The following AASDHPPT variants were observed in gnomAD, a reference collection of about 807,000 sequenced individuals.
The protein encoded by AASDHPPT is aminoadipate-semialdehyde dehydrogenase-phosphopantetheinyl transferase.
Under a neutral mutation model 36.4 loss-of-function variants are expected in AASDHPPT, and 23 were observed. That is an observed-to-expected ratio of 0.63 (90% CI 0.45 to 0.89). The LOEUF is 0.89. Ranked by LOEUF, AASDHPPT falls within the 40% of genes least tolerant of loss-of-function variation. AASDHPPT has a pLI of 0.00. For synonymous variants in AASDHPPT, 115 were observed against 128.0 expected (o/e 0.90, Z 0.68); for missense variants, 377 against 378.2 (o/e 1.00, Z 0.03).
At chr11:106,078,991 A>G (rs1206308261) in intron 1 of AASDHPPT, among the ~76,000 whole-genome samples, 1 of 152,222 alleles carries the variant, frequency 6.6e-6, no homozygotes, top group Non-Finnish European at 1.5e-5. Flanking sequence ...TTTGACAGCA[A>G]GTCTAGAGCC....
intron 5 of AASDHPPT, among the ~76,000 whole-genome samples, chr11:106,094,915 C>T (rs1861297809): frequency 6.6e-6 from 1 of 152,098 alleles, no homozygotes; most frequent in Non-Finnish European, 1.5e-5. Context: ...CACCTGAGGT[C>T]AGGAGTTCCA....
chr11:106,089,623 G>A (rs1488389179), intron 2 of AASDHPPT: 1 of 151,936 alleles, frequency 6.6e-6, no homozygotes, highest in East Asian at 1.9e-4. Flanking sequence ...ATGTATTTGT[G>A]TAAATATTTA....
intron 4 of AASDHPPT, chr11:106,091,762 A>T (rs1461952525): frequency 4.2e-6 from 1 of 239,436 alleles, no homozygotes; most frequent in Non-Finnish European, 7.9e-6. Flanking sequence ...TGGCTGGGCC[A>T]TAATGAGGGT....
rs1203458518 is a variant in AASDHPPT at position 106,096,905 on chromosome 11, T to C, written c.928T>C (p.Ter310ArgextTer1). 3.8e-6 allele frequency: 6 copies of C among 1,597,758 alleles called. No individual in the cohort carries two copies. Among genetic ancestry groups the C allele is most frequent in the Non-Finnish European group, 4.3e-6 (5 of 1,174,048 alleles). ...EIPIRNGTKS[*>R] ...TCCAATACGAAATGGTACAAAGTCA[T>C]GATGATTCCCTGAGTAACAAAGGGA... Residue 310 changes from the stop codon to arginine (R), a stop_lost, in exon 6 of 6, where the codon TGA (stop) becomes CGA (arginine). Coordinates refer to ENST00000278618, the MANE Select transcript of AASDHPPT (RefSeq NM_015423.3).
rs367777081 is a variant in AASDHPPT, at chr11:106,077,677, G to A, written c.-34G>A. 22 of 1,598,952 alleles carry A rather than the reference G, an allele frequency of 1.4e-5. No individual in the cohort carries two copies. Among genetic ancestry groups the A allele is most frequent in the Non-Finnish European group, 1.7e-5 (20 of 1,169,610 alleles). ...GGCCACGTTTGCGTCCGCGCCATCA[G>A]GCCCGAGATAGCGGCGAGGTCCGCT... is the stretch of plus-strand genomic sequence containing the variant. On this transcript the variant is annotated 5_prime_UTR_variant, in exon 1 of 6. Coordinates refer to ENST00000278618, the MANE Select transcript of AASDHPPT (RefSeq NM_015423.3).
chr11:106,094,441 AAT>A, intron 4 of AASDHPPT, 140 bp from the exon 5 acceptor site: 4 of 526,724 alleles, frequency 7.6e-6, no homozygotes, highest in Non-Finnish European at 9.5e-6. Context: ...GAGGTGGGGA[AAT>A]ATATATATGC....
intron 2 of AASDHPPT, among the ~76,000 whole-genome samples, chr11:106,080,652 A>G (rs1422773261): frequency 1.3e-5 from 2 of 152,210 alleles, no homozygotes; most frequent in African/African-American, 4.8e-5. Flanking sequence ...CAACTACCCT[A>G]TGATGCATAT....
chr11:106,085,546 A>G (rs1414019144), intron 2 of AASDHPPT, among the ~76,000 whole-genome samples: 3 of 152,240 alleles, frequency 2.0e-5, no homozygotes, highest in Non-Finnish European at 4.4e-5. Flanking sequence ...CAGAGAATAT[A>G]TTGGTGGCAA....
rs774362758 is a variant in AASDHPPT, at chr11:106,091,434, G to A, written c.650G>A (p.Arg217His). Residue 217 changes from arginine to histidine, a missense_variant, in exon 4 of 6, where the codon CGT (arginine) becomes CAT (histidine). Arg to His is a conservative substitution (Grantham distance 29). Transcript: ENST00000278618. ...ATAGGCCAAGTTTATAAAGAAACAC[G>A]TTTATTCCTGGATGGAGAGGAAGAA... ...LDIGQVYKETRLFLDGEEEKE... is the reference protein window; with the variant it reads ...LDIGQVYKETHLFLDGEEEKE... 22 of 1,599,016 alleles carry A rather than the reference G, an allele frequency of 1.4e-5. No homozygotes were observed. The highest frequency in any genetic ancestry group is 1.0e-4 in the South Asian group (9 of 87,536).
At chr11:106,081,489 A>G (rs1055325847) in intron 2 of AASDHPPT, among the ~76,000 whole-genome samples, 1 of 152,208 alleles carries the variant, frequency 6.6e-6, no homozygotes, top group Non-Finnish European at 1.5e-5. Context: ...CTCTAAAAAA[A>G]TTGCTGCTAT....
chr11:106,096,904 A>G lies in AASDHPPT; in HGVS notation c.927A>G (p.Ser309=). The change falls in exon 6 of 6, where the codon TCA becomes TCG. Residue 309 remains serine (S), a synonymous_variant. Transcript: ENST00000278618. ...TTCCAATACGAAATGGTACAAAGTC[A>G]TGATGATTCCCTGAGTAACAAAGGG... ...EEIPIRNGTK[S] 7 of 1,597,936 alleles carry G rather than the reference A, an allele frequency of 4.4e-6. No homozygotes were observed. Among genetic ancestry groups the G allele is most frequent in the South Asian group, 2.3e-5 (2 of 87,404 alleles).
Position 106,090,579 on chromosome 11 carries a change from C to A in AASDHPPT, c.432C>A (p.Phe144Leu). 1 of 1,589,486 alleles carries A rather than the reference C, an allele frequency of 6.3e-7. No individual in the cohort carries two copies. Among genetic ancestry groups the A allele is most frequent in the South Asian group, 1.2e-5 (1 of 85,786 alleles). The change falls in exon 3 of 6, where the codon TTC becomes TTA. Residue 144 changes from phenylalanine (F) to leucine (L), a missense_variant. Coordinates refer to ENST00000278618, the MANE Select transcript of AASDHPPT (RefSeq NM_015423.3). Reference protein sequence around the residue: ...SFPGRGSIPEFFHIMKRKFTN... With the variant: ...SFPGRGSIPELFHIMKRKFTN... ...CAGGTCGTGGTTCAATTCCAGAATT[C>A]TTTCATATTATGAAAAGAAAGTTTA...
At chr11:106,095,594 A>G (rs1198337481) in intron 5 of AASDHPPT, among the ~76,000 whole-genome samples, 6 of 152,256 alleles carry the variant, frequency 3.9e-5, no homozygotes, top group Non-Finnish European at 7.3e-5. Flanking sequence ...TGTTTTAATG[A>G]AAACTACATG....
At position 106,091,366 on chromosome 11, in the gene AASDHPPT, A is replaced by G. The variant is rs1490498050; in HGVS notation, c.582A>G (p.Glu194=). 2 of 1,609,122 alleles carry G rather than the reference A, an allele frequency of 1.2e-6. No homozygotes were observed. The highest frequency in any genetic ancestry group is 1.7e-5 in the Admixed American group (1 of 59,276). ...IKAIGVGLGF[E]LQRLEFDLSP... ...CCATTGGTGTTGGACTAGGATTTGA[A>G]TTGCAGCGGCTTGAATTTGATCTAT... The change falls in exon 4 of 6, where the codon GAA becomes GAG. Residue 194 remains glutamate (E), a synonymous_variant. Transcript: ENST00000278618.
At chr11:106,078,018 C>G (rs186733824) in intron 1 of AASDHPPT, 125 bp downstream of exon 1, 1 of 1,248,440 alleles carries the variant, frequency 8.0e-7, no homozygotes, top group Non-Finnish European at 1.1e-6. Flanking sequence ...CTGTGGCCGG[C>G]CCGGGCGACA....
At chr11:106,084,175 G>C (rs1226996887) in intron 2 of AASDHPPT, among the ~76,000 whole-genome samples, 4 of 152,060 alleles carry the variant, frequency 2.6e-5, no homozygotes, top group East Asian at 3.8e-4. Flanking sequence ...AAAACACTTA[G>C]AGCTTGTGAA....
intron 4 of AASDHPPT, chr11:106,091,709 G>C (rs1404825093): frequency 2.7e-6 from 1 of 366,230 alleles, no homozygotes; most frequent in Non-Finnish European, 4.8e-6. Flanking sequence ...AAGAGGCTCT[G>C]ACAAGGAGCT....
chr11:106,092,577 A>G (rs188913732), intron 4 of AASDHPPT: 2 of 152,230 alleles, frequency 1.3e-5, no homozygotes, highest in Admixed American at 1.3e-4. Flanking sequence ...TATATATTGA[A>G]TCTATGAAGA....
chr11:106,080,093 C>T (rs1861119933), intron 2 of AASDHPPT, among the ~76,000 whole-genome samples: 1 of 152,142 alleles, frequency 6.6e-6, no homozygotes, highest in African/African-American at 2.4e-5. Context: ...ACAGTTGACA[C>T]ATGAACAACA....
Sources: allele counts gnomAD v4.1 joint callset (sites outside exome capture counted in the v4.1 genomes callset), GRCh38; gene constraint gnomAD v4.1.1; transcripts MANE v1.5; gene names NCBI Gene and HGNC (gene_info 2026-07-23, HGNC 2026-07-21).